Variants in VRK2 observed in about 807,000 individuals in gnomAD.
VRK2 encodes the protein serine/threonine-protein kinase VRK2.
In VRK2, 60 loss-of-function variants were observed where a neutral mutation model predicts 57.6. The observed-to-expected ratio is 1.04, with a 90% confidence interval of 0.85 to 1.29. The LOEUF is 1.29. Among genes scored for constraint, VRK2 ranks in the 50% most tolerant of loss-of-function variants. VRK2 has a pLI of 0.00. For missense variants in VRK2, 705 were observed against 588.1 expected, an observed-to-expected ratio of 1.20 and a Z score of -2.06; for synonymous variants, 231 against 199.2, an observed-to-expected ratio of 1.16 and a Z score of -1.35.
At chr2:58,123,456 C>G (rs1677836326) in intron 8 of VRK2, among the ~76,000 whole-genome samples, 1 of 152,118 alleles carries the variant, frequency 6.6e-6, no homozygotes, top group Non-Finnish European at 1.5e-5. Flanking sequence ...AAAAGTGTGT[C>G]AAGTAAGCAA....
intron 1 of VRK2, among the ~76,000 whole-genome samples, chr2:57,912,407 T>C (rs759596867): frequency 6.6e-6 from 1 of 152,032 alleles, no homozygotes; most frequent in Non-Finnish European, 1.5e-5. Context: ...GATAAGCAAG[T>C]CCAGCTTTCA....
At chr2:58,126,896 ATG>A (rs928366535) in intron 8 of VRK2, among the ~76,000 whole-genome samples, 5 of 152,048 alleles carry the variant, frequency 3.3e-5, no homozygotes, top group African/African-American at 1.2e-4. Context: ...ATTTGAATCA[ATG>A]TGTGGTATAG....
intron 1 of VRK2, among the ~76,000 whole-genome samples, chr2:57,997,048 A>G (rs1252753270): frequency 1.3e-5 from 2 of 152,180 alleles, no homozygotes; most frequent in Admixed American, 1.3e-4. Context: ...ATCCAGATAT[A>G]AAAGAAAAAC....
chr2:58,157,903 CA>C (rs1287507392), intron 12 of VRK2, among the ~76,000 whole-genome samples: 1 of 152,146 alleles, frequency 6.6e-6, no homozygotes, highest in Admixed American at 6.5e-5. Context: ...ACTTTATTCA[CA>C]AAACAGGCAA....
intron 1 of VRK2, among the ~76,000 whole-genome samples, chr2:57,997,579 T>C (rs892759205): frequency 6.6e-6 from 1 of 152,176 alleles, no homozygotes; most frequent in Non-Finnish European, 1.5e-5. Context: ...GCTGAGTCAA[T>C]AGATAATGCT....
intron 7 of VRK2, among the ~76,000 whole-genome samples, chr2:58,114,225 G>C (rs561093374): frequency 6.6e-6 from 1 of 152,288 alleles, no homozygotes; most frequent in Non-Finnish European, 1.5e-5. Flanking sequence ...TGCCTAAGGA[G>C]ATTCACCATA....
intron 9 of VRK2, among the ~76,000 whole-genome samples, chr2:58,134,386 T>C (rs1386078282): frequency 6.8e-6 from 1 of 147,258 alleles, no homozygotes; most frequent in East Asian, 2.0e-4. Flanking sequence ...CCGAGGCGGG[T>C]GGATCATGAG....
intron 1 of VRK2, among the ~76,000 whole-genome samples, chr2:58,048,018 A>G (rs1675122099): frequency 6.6e-6 from 1 of 152,224 alleles, no homozygotes; most frequent in South Asian, 2.1e-4. Context: ...TCAGGCATGT[A>G]TGCTGGCATA....
At chr2:58,112,954 T>G (rs1675794327) in intron 7 of VRK2, among the ~76,000 whole-genome samples, 2 of 152,174 alleles carry the variant, frequency 1.3e-5, no homozygotes, top group Admixed American at 1.3e-4. Flanking sequence ...TTTTAGTCTT[T>G]TCTTTGGTGA....
At chr2:58,039,780 G>A (rs1056399729) in intron 3 of VRK2, among the ~76,000 whole-genome samples, 5 of 151,964 alleles carry the variant, frequency 3.3e-5, no homozygotes, top group African/African-American at 7.2e-5. Flanking sequence ...ACACTAAAAG[G>A]AAATGCACTA....
chr2:58,143,360 G>A (rs537657533), intron 11 of VRK2, among the ~76,000 whole-genome samples: 4 of 151,868 alleles, frequency 2.6e-5, no homozygotes, highest in Non-Finnish European at 5.9e-5. Flanking sequence ...GGGATGCCCA[G>A]GGTGTTTTCT....
intron 1 of VRK2, among the ~76,000 whole-genome samples, chr2:57,983,419 G>C (rs1672494005): frequency 6.6e-6 from 1 of 152,124 alleles, no homozygotes; most frequent in Admixed American, 6.5e-5. Context: ...AATCACATCT[G>C]CAAAGTTCCT....
chr2:58,078,872 CTG>C (rs1161139140), intron 2 of VRK2, among the ~76,000 whole-genome samples: 8 of 152,076 alleles, frequency 5.3e-5, no homozygotes. Context: ...AAGGGTAACT[CTG>C]TGTTGCCCAA....
At chr2:58,082,184 C>T (rs113624396) in intron 2 of VRK2, among the ~76,000 whole-genome samples, 2 of 151,826 alleles carry the variant, frequency 1.3e-5, no homozygotes, top group African/African-American at 4.8e-5. Flanking sequence ...TATGTTCATT[C>T]AAAATGTGAA....
At chr2:57,963,862 T>C (rs997558811) in intron 1 of VRK2, among the ~76,000 whole-genome samples, 2 of 152,222 alleles carry the variant, frequency 1.3e-5, no homozygotes, top group Non-Finnish European at 2.9e-5. Context: ...ATGATCAAAT[T>C]GGATATAAGA....
rs79521235 is a variant in VRK2, at chr2:58,063,506, A to G, written c.136+14539A>G. 1.1e-3 allele frequency among the ~76,000 whole-genome samples: 173 copies of G among 152,142 alleles called. 3 individuals are homozygous for G. The East Asian group carries it at 0.029, about 26-fold the overall frequency. ...TTTCTCATGTACCCCATACATTTGCATGAATAATAGAGTTTACTGAATATT... is the reference window on the plus strand; with the variant it reads ...TTTCTCATGTACCCCATACATTTGCGTGAATAATAGAGTTTACTGAATATT... On this transcript the variant is annotated intron_variant, in intron 2 of 12. Transcript: ENST00000340157.
At chr2:58,047,617 A>C (rs1675039051) in intron 1 of VRK2, 1 of 271,716 alleles carries the variant, frequency 3.7e-6, no homozygotes, top group Non-Finnish European at 5.6e-6. Context: ...AAATCAGTAA[A>C]TCTGTAATAG....
Position 58,146,300 on chromosome 2 carries a change from T to C in VRK2, c.1024-16T>C. On this transcript the variant is annotated splice_polypyrimidine_tract_variant and intron_variant, in intron 11 of 12. Transcript: ENST00000340157. ...AAAGTTTTCATTATATATTATTACTTACTCTATACCAACAGGTTGATTCAC... is the reference window on the plus strand; with the variant it reads ...AAAGTTTTCATTATATATTATTACTCACTCTATACCAACAGGTTGATTCAC... 6.3e-7 allele frequency: 1 copy of C among 1,584,350 alleles called. No homozygotes were observed. Among genetic ancestry groups the C allele is most frequent in the South Asian group, 1.2e-5 (1 of 85,188 alleles).
chr2:58,159,680 TA>T lies in VRK2; in HGVS notation c.1515del (p.Leu505PhefsTer39), dbSNP rs750490307. On this transcript the variant is annotated frameshift_variant, in exon 13 of 13. Coordinates refer to ENST00000340157, the MANE Select transcript of VRK2 (RefSeq NM_006296.7). LOFTEE classifies it high-confidence loss of function. ...PVLLMLVFLA[L>X]FFL ...CTTTTGATGTTAGTATTTCTTGCTT[TA>T]TTTTTTCTCTGAAGATGATACCAAA... is the stretch of plus-strand genomic sequence containing the variant. 1 of 1,612,542 alleles carries T rather than the reference TA, an allele frequency of 6.2e-7. No homozygotes were observed. Among genetic ancestry groups the T allele is most frequent in the African/African-American group, 1.3e-5 (1 of 74,774 alleles).
Sources: allele counts gnomAD v4.1 joint callset (sites outside exome capture counted in the v4.1 genomes callset), GRCh38; gene constraint gnomAD v4.1.1; transcripts MANE v1.5; gene names NCBI Gene and HGNC (gene_info 2026-07-23, HGNC 2026-07-21).